Variants in PI4KA observed in about 807,000 individuals in gnomAD.
PI4KA encodes phosphatidylinositol 4-kinase alpha, also known as PI4-kinase alpha.
Under a neutral mutation model 271.4 loss-of-function variants are expected in PI4KA, and 122 were observed. That is an observed-to-expected ratio of 0.45 (90% CI 0.39 to 0.52). PI4KA has a LOEUF of 0.52. Ranked by LOEUF, PI4KA falls within the 20% of genes least tolerant of loss-of-function variation. The pLI is 0.00. For synonymous variants in PI4KA, 1,041 were observed against 1,078.8 expected (o/e 0.96, Z 0.69); for missense variants, 1,969 against 2,769.1 (o/e 0.71, Z 6.48).
At chr22:20,845,669 TG>T (rs779796250) in intron 1 of PI4KA, among the ~76,000 whole-genome samples, 1 of 152,216 alleles carries the variant, frequency 6.6e-6, no homozygotes, top group African/African-American at 2.4e-5. Flanking sequence ...GAACAGCACC[TG>T]ATCCTACAAG....
chr22:20,780,127 G>A, intron 19 of PI4KA: 1 of 1,614,132 alleles, frequency 6.2e-7, no homozygotes, highest in Non-Finnish European at 8.5e-7. Flanking sequence ...CTCACCAAGG[G>A]CCTCATAAAA....
In PI4KA at chr22:20,798,600, T is replaced by C; in HGVS notation, c.2092A>G (p.Lys698Glu). Residue 698 changes from lysine to glutamate, a missense_variant, in exon 17 of 55, where the codon AAG becomes GAG. By Grantham distance (56) the Lys-to-Glu change is moderately conservative. Coordinates refer to ENST00000255882, the MANE Select transcript of PI4KA (RefSeq NM_058004.4). The part of the protein sequence containing the change: ...SVVYSATKDY[K>E]DHGYRHCSLA... ...TCCAGTTACCTATAGCCGTGGTCCT[T>C]GTAATCTTTGGTGGCTGAGTATACA... 6.2e-7 allele frequency: 1 copy of C among 1,609,424 alleles called. No individual in the cohort carries two copies. The highest frequency in any genetic ancestry group is 8.5e-7 in the Non-Finnish European group (1 of 1,175,662).
chr22:20,779,902 C>A lies in PI4KA; in HGVS notation c.2328+13291G>T, dbSNP rs1018289806. ...GCCAGCAGCAAGTATGAAATCACGA[C>A]CATTCATAATCTCTTCCGTAAGCTG... is the stretch of plus-strand genomic sequence containing the variant. On this transcript the variant is annotated intron_variant, in intron 19 of 54. Coordinates refer to ENST00000255882, the MANE Select transcript of PI4KA (RefSeq NM_058004.4). The A allele has an allele frequency of 4.3e-6, 7 of 1,614,078 alleles. No individual in the cohort carries two copies. In the African/African-American group the frequency reaches 5.3e-5, roughly 12 times the overall value.
rs777277784 is a variant in PI4KA at position 20,798,544 on chromosome 22, A to T, written c.2108+40T>A. 11 of 1,167,074 alleles carry T rather than the reference A, an allele frequency of 9.4e-6. No homozygotes were observed. In the African/African-American group the frequency reaches 1.5e-4, roughly 16 times the overall value. The allele number at this position is 1,167,074 out of a possible 1,614,324, so 72.3% of individuals were successfully genotyped here. ...ACCTCACATTTTTAAAGTAAGTTAA[A>T]TACTGTCATGATAAAAAAGTGACAA... On this transcript the variant is annotated intron_variant, in intron 17 of 54. Transcript: ENST00000255882.
rs144493815 is a variant in PI4KA, at chr22:20,836,375, CAA to C, written c.274-1722_274-1721del. 6.6e-5 allele frequency among the ~76,000 whole-genome samples: 10 copies of C among 152,258 alleles called. No homozygotes were observed. In the East Asian group the frequency reaches 1.3e-3, roughly 21 times the overall value. On this transcript the variant is annotated intron_variant, in intron 2 of 54. Coordinates refer to ENST00000255882, the MANE Select transcript of PI4KA (RefSeq NM_058004.4). Reference sequence around the variant, plus strand: ...TAAAAACAAAGAACTTTATCAAAAACAAAAGTTTTTTCTCTAAACCATAAAAA... The same window carrying C: ...TAAAAACAAAGAACTTTATCAAAAACAAGTTTTTTCTCTAAACCATAAAAA...
intron 39 of PI4KA, among the ~76,000 whole-genome samples, chr22:20,728,103 G>T (rs1400954769): frequency 6.6e-6 from 1 of 152,218 alleles, no homozygotes; most frequent in African/African-American, 2.4e-5. Context: ...TTAAAAGAGT[G>T]TAACTGGATT....
In PI4KA at chr22:20,844,508, A is replaced by G. The variant is rs138847151; in HGVS notation, c.157-5777T>C. On this transcript the variant is annotated intron_variant, in intron 1 of 54. Transcript: ENST00000255882. ...CAGTCACTCCCTCATGAGCGTTACA[A>G]TCCAGCAGGAGTTACAAAACTAATA... Among the ~76,000 whole-genome samples, 3 of 152,332 alleles carry G rather than the reference A, an allele frequency of 2.0e-5. No homozygotes were observed. The East Asian group carries it at 5.8e-4, about 29-fold the overall frequency.
intron 46 of PI4KA, 40 bp from the exon 47 acceptor site, chr22:20,714,568 C>T (rs767853390): frequency 1.9e-5 from 31 of 1,613,836 alleles, no homozygotes; most frequent in Admixed American, 1.5e-4. Flanking sequence ...ATGATGCAGC[C>T]GAGAAAAACT....
intron 19 of PI4KA, among the ~76,000 whole-genome samples, chr22:20,784,565 C>T (rs1331639577): frequency 2.0e-5 from 3 of 152,144 alleles, no homozygotes; most frequent in African/African-American, 4.8e-5. Flanking sequence ...AATTCCATTA[C>T]TTCCCCGGGT....
intron 14 of PI4KA, 58 bp from the exon 15 acceptor site, chr22:20,799,824 T>G: frequency 8.8e-7 from 1 of 1,131,230 alleles, no homozygotes; most frequent in Non-Finnish European, 1.3e-6. Flanking sequence ...AGGTTTTTTG[T>G]TTTTTAATTT....
chr22:20,774,431 T>A (rs1933080526), intron 19 of PI4KA, among the ~76,000 whole-genome samples: 1 of 152,320 alleles, frequency 6.6e-6, no homozygotes, highest in South Asian at 2.1e-4. Flanking sequence ...TATGAGAATA[T>A]CCTTGCTCTT....
intron 36 of PI4KA, among the ~76,000 whole-genome samples, chr22:20,732,659 C>A (rs1928216574): frequency 6.6e-6 from 1 of 152,256 alleles, no homozygotes; most frequent in South Asian, 2.1e-4. Context: ...TGTGCACCAG[C>A]CTCAGCCCAA....
intron 19 of PI4KA, among the ~76,000 whole-genome samples, chr22:20,780,602 CCTGG>C (rs1253201314): frequency 6.6e-6 from 1 of 151,882 alleles, no homozygotes. Context: ...ATGGTGAAAA[CCTGG>C]CTCTACTAAA....
chr22:20,840,882 T>C (rs995321057), intron 1 of PI4KA, among the ~76,000 whole-genome samples: 7 of 152,018 alleles, frequency 4.6e-5, no homozygotes, highest in African/African-American at 1.7e-4. Context: ...TCAGCTATTG[T>C]CAGAGGCGTG....
In PI4KA at chr22:20,751,680, C is replaced by A. The variant is rs1308990607; in HGVS notation, c.3063G>T (p.Leu1021=). 1 of 1,613,378 alleles carries A rather than the reference C, an allele frequency of 6.2e-7. No homozygotes were observed. Residue 1021 remains leucine (L), a synonymous_variant, in exon 26 of 55, where the codon CTG becomes CTT. Coordinates refer to ENST00000255882, the MANE Select transcript of PI4KA (RefSeq NM_058004.4). ...LDILQTLSLS[L]SADIHKDQPY... ...GTCTCCTGGGGACACTCACAGCGCT[C>A]AGTGACAGTGACAGGGTCTGCAGGA...
chr22:20,847,391 A>G (rs1402421711), intron 1 of PI4KA, among the ~76,000 whole-genome samples: 1 of 152,172 alleles, frequency 6.6e-6, no homozygotes, highest in Non-Finnish European at 1.5e-5. Context: ...GTTTGAGACC[A>G]GTCTGGGCAA....
intron 8 of PI4KA, among the ~76,000 whole-genome samples, chr22:20,812,634 A>G (rs1268833162): frequency 6.6e-6 from 1 of 151,960 alleles, no homozygotes. Flanking sequence ...GACTACTGCA[A>G]CCTCCACCTC....
chr22:20,786,493 CAT>C (rs1934237900), intron 19 of PI4KA, among the ~76,000 whole-genome samples: 1 of 152,202 alleles, frequency 6.6e-6, no homozygotes, highest in Admixed American at 6.5e-5. Flanking sequence ...GCACTATACA[CAT>C]ACTTAACTTA....
At position 20,727,804 on chromosome 22, in the gene PI4KA, TCC is replaced by T. The variant is rs767966254; in HGVS notation, c.4741_4742del (p.Gly1581SerfsTer3). The stretch of plus-strand genomic sequence containing the variant: ...TTGCTTCAGGCACATCACTAACGGC[TCC>T]CGGGTCCAACCGAACGAGACGGGTC... ...EVTRLVRLDPGAVSDVPEAIK... is the reference protein window; with the variant it reads ...EVTRLVRLDPXAVSDVPEAIK... On this transcript the variant is annotated frameshift_variant, in exon 40 of 55. Coordinates refer to ENST00000255882, the MANE Select transcript of PI4KA (RefSeq NM_058004.4). LOFTEE classifies it high-confidence loss of function. 1.2e-6 allele frequency: 2 copies of T among 1,614,092 alleles called. No homozygotes were observed. Among genetic ancestry groups the T allele is most frequent in the Non-Finnish European group, 1.7e-6 (2 of 1,179,978 alleles).
Sources: gnomAD v4.1 joint callset for allele counts (sites outside exome capture counted in the v4.1 genomes callset) on GRCh38, gnomAD v4.1.1 for gene constraint, MANE v1.5 for transcripts, NCBI Gene and HGNC (gene_info 2026-07-23, HGNC 2026-07-21) for gene names.